Variants in EML6 observed in about 807,000 individuals in gnomAD.
The protein encoded by EML6 is echinoderm microtubule-associated protein-like 6.
Under a neutral mutation model 240.1 loss-of-function variants are expected in EML6, and 154 were observed. The observed-to-expected ratio is 0.64, with a 90% confidence interval of 0.56 to 0.73. The LOEUF is 0.73. Ranked by LOEUF, EML6 falls within the 30% of genes least tolerant of loss-of-function variation. EML6 has a pLI of 0.00. For missense variants in EML6, 2,964 were observed against 2,474.6 expected, an observed-to-expected ratio of 1.20 and a Z score of -4.20; for synonymous variants, 1,148 against 899.0, an observed-to-expected ratio of 1.28 and a Z score of -4.95.
rs1470275828 is a variant in EML6, at chr2:54,844,176, G to T, written c.977G>T (p.Gly326Val). Residue 326 changes from glycine (G) to valine (V), a missense_variant, in exon 8 of 42, where the codon GGT becomes GTT. By Grantham distance (109) the Gly-to-Val change is moderately radical. Coordinates refer to ENST00000356458, the MANE Select transcript of EML6 (RefSeq NM_001039753.4). ...TTGATCCTACAGGGCCACTGCGAGG[G>T]TGAGCTCTGGGCTCTGGCCCTGCAC... ...PMLILQGHCE[G>V]ELWALALHPK... is the part of the protein sequence containing the mutation. 7 of 1,551,722 alleles carry T rather than the reference G, an allele frequency of 4.5e-6. 1 individual carries two copies. The Admixed American group carries it at 1.2e-4, about 26-fold the overall frequency.
intron 7 of EML6, among the ~76,000 whole-genome samples, chr2:54,831,371 A>G (rs919883113): frequency 6.6e-5 from 10 of 152,234 alleles, no homozygotes; most frequent in African/African-American, 1.7e-4. Flanking sequence ...TTTTCTGCCC[A>G]ATACTGAGTC....
intron 2 of EML6, among the ~76,000 whole-genome samples, chr2:54,807,805 C>T (rs1670577253): frequency 1.3e-5 from 2 of 152,156 alleles, no homozygotes; most frequent in African/African-American, 4.8e-5. Context: ...AACTGGTTTA[C>T]AAAGTTGCTA....
At chr2:54,744,107 G>A (rs1683787590) in intron 2 of EML6, among the ~76,000 whole-genome samples, 1 of 150,794 alleles carries the variant, frequency 6.6e-6, no homozygotes, top group Admixed American at 6.6e-5. Flanking sequence ...TTGAACAATG[G>A]TAGTTGGGCC....
At chr2:54,946,955 G>GTA (rs961144088) in intron 28 of EML6, among the ~76,000 whole-genome samples, 34 of 151,104 alleles carry the variant, frequency 2.3e-4, no homozygotes, top group African/African-American at 7.0e-4. Context: ...TTGCGTCTGT[G>GTA]TATATATATA....
chr2:54,817,808 A>C (rs1263128759), intron 4 of EML6, among the ~76,000 whole-genome samples: 1 of 151,974 alleles, frequency 6.6e-6, no homozygotes, highest in Non-Finnish European at 1.5e-5. Context: ...GAACTCTTAA[A>C]AAAAAAAAAG....
Position 54,853,650 on chromosome 2 carries a change from G to A in EML6, c.1452G>A (p.Lys484=), listed in dbSNP as rs1454561680. 3 of 1,536,366 alleles carry A rather than the reference G, an allele frequency of 2.0e-6. No homozygotes were observed. Among genetic ancestry groups the A allele is most frequent in the Non-Finnish European group, 2.6e-6 (3 of 1,137,180 alleles). Residue 484 remains lysine (K), a synonymous_variant, in exon 11 of 42, where the codon AAG becomes AAA. Coordinates refer to ENST00000356458, the MANE Select transcript of EML6 (RefSeq NM_001039753.4). The stretch of plus-strand genomic sequence containing the variant: ...AATATTGATTATTTTCAGCTGGGAA[G>A]CCTTTAACAAGTAAAGAAGAAATTA... The part of the protein sequence containing the change: ...ERLFYRMPSG[K]PLTSKEEIKG...
In EML6 at chr2:54,850,188, G is replaced by A. The variant is rs1669997884; in HGVS notation, c.1414G>A (p.Ala472Thr). ...TAAATACTTACAAACTAATGACGGT[G>A]CAGGAGAACGATTGTTCTACAGAAT... is the stretch of plus-strand genomic sequence containing the variant. ...DSKYLQTNDG[A>T]GERLFYRMPS... is the part of the protein sequence containing the mutation. The change falls in exon 10 of 42, where the codon GCA (alanine) becomes ACA (threonine). Residue 472 changes from alanine to threonine, a missense_variant. Coordinates refer to ENST00000356458, the MANE Select transcript of EML6 (RefSeq NM_001039753.4). 2 of 1,551,706 alleles carry A rather than the reference G, an allele frequency of 1.3e-6. No homozygotes were observed. Among genetic ancestry groups the A allele is most frequent in the Non-Finnish European group, 1.7e-6 (2 of 1,146,956 alleles).
chr2:54,762,064 A>G (rs1263886402), intron 2 of EML6, among the ~76,000 whole-genome samples: 2 of 151,880 alleles, frequency 1.3e-5, no homozygotes, highest in Non-Finnish European at 2.9e-5. Flanking sequence ...CTTTAGGGCA[A>G]TTTTTTTCTG....
intron 7 of EML6, among the ~76,000 whole-genome samples, chr2:54,833,672 C>T (rs1001756356): frequency 1.3e-5 from 2 of 152,180 alleles, no homozygotes; most frequent in African/African-American, 2.4e-5. Flanking sequence ...AGGGCCATCC[C>T]TCAGTGAAAG....
At chr2:54,858,098 C>CT (rs1670483196) in intron 11 of EML6, among the ~76,000 whole-genome samples, 1 of 152,170 alleles carries the variant, frequency 6.6e-6, no homozygotes, top group South Asian at 2.1e-4. Context: ...CATGAGGTTG[C>CT]AGTCATGTGA....
At position 54,829,474 on chromosome 2, in the gene EML6, A is replaced by G; in HGVS notation, c.844A>G (p.Lys282Glu). Reference sequence around the variant, plus strand: ...TCTCAGGGAGACAGAACAAGGATACAAAGGTAATATATGTGTTAAGCTTAC... The same window carrying G: ...TCTCAGGGAGACAGAACAAGGATACGAAGGTAATATATGTGTTAAGCTTAC... ...IDLRETEQGY[K>E]GLSIRSVCWK... is the part of the protein sequence containing the mutation. The change falls in exon 7 of 42, where the codon AAA becomes GAA. Residue 282 changes from lysine to glutamate, a missense_variant. Coordinates refer to ENST00000356458, the MANE Select transcript of EML6 (RefSeq NM_001039753.4). 4.5e-6 allele frequency: 7 copies of G among 1,550,880 alleles called. No individual in the cohort carries two copies. Among genetic ancestry groups the G allele is most frequent in the Non-Finnish European group, 5.2e-6 (6 of 1,145,988 alleles).
At position 54,803,476 on chromosome 2, in the gene EML6, G is replaced by C. The variant is rs114170427; in HGVS notation, c.198-9756G>C. 4.7e-3 allele frequency among the ~76,000 whole-genome samples: 717 copies of C among 152,242 alleles called. 6 individuals carry two copies. The highest frequency in any genetic ancestry group is 0.017 in the African/African-American group (687 of 41,532). ...TCAAGCCACCCTAGACCCTCCTCTA[G>C]CAGCTCCAAGCCCCTTTTGTTTGTT... On this transcript the variant is annotated intron_variant, in intron 2 of 41. Transcript: ENST00000356458.
rs1015980744 is a variant in EML6 at position 54,853,695 on chromosome 2, C to T, written c.1497C>T (p.Ser499=). Residue 499 remains serine (S), a synonymous_variant, in exon 11 of 42, where the codon TCC becomes TCT. Transcript: ENST00000356458. ...AAATTAAAGGGATTCCTTGGGCCTC[C>T]TGGACATGCGTGAAAGGCCCTGAAG... ...KEEIKGIPWA[S]WTCVKGPEVS... The T allele has an allele frequency of 1.3e-6, 2 of 1,550,684 alleles. No individual in the cohort carries two copies. The highest frequency in any genetic ancestry group is 2.4e-5 in the South Asian group (2 of 83,886).
At chr2:54,969,390 T>C (rs1558737483) in intron 41 of EML6, among the ~76,000 whole-genome samples, 1 of 152,178 alleles carries the variant, frequency 6.6e-6, no homozygotes, top group Non-Finnish European at 1.5e-5. Flanking sequence ...AAGGCACCTA[T>C]AAAGAATCTC....
intron 5 of EML6, among the ~76,000 whole-genome samples, chr2:54,825,954 C>A (rs1003677076): frequency 1.3e-5 from 2 of 152,204 alleles, no homozygotes; most frequent in Non-Finnish European, 2.9e-5. Context: ...GATGCAGTTT[C>A]TTCCTCACTG....
chr2:54,892,215 C>T (rs889597330), intron 18 of EML6, among the ~76,000 whole-genome samples: 2 of 152,164 alleles, frequency 1.3e-5, no homozygotes, highest in African/African-American at 4.8e-5. Context: ...TTTTCATCTT[C>T]ATATCCCAAC....
At chr2:54,838,533 A>C (rs148570413) in intron 7 of EML6, among the ~76,000 whole-genome samples, 1 of 152,310 alleles carries the variant, frequency 6.6e-6, no homozygotes, top group East Asian at 1.9e-4. Context: ...AAAATAAGCA[A>C]TGTCCCTTAG....
At chr2:54,760,800 AT>A (rs1667949517) in intron 2 of EML6, among the ~76,000 whole-genome samples, 1 of 143,236 alleles carries the variant, frequency 7.0e-6, no homozygotes, top group Non-Finnish European at 1.5e-5. Flanking sequence ...CTCTCTCCCC[AT>A]TGCTTTGAAG....
At chr2:54,957,539 C>T (rs1676287532) in intron 32 of EML6, among the ~76,000 whole-genome samples, 1 of 152,256 alleles carries the variant, frequency 6.6e-6, no homozygotes, top group South Asian at 2.1e-4. Context: ...TCTCACAGGC[C>T]ATCCTTTCTT....
Sources: allele counts gnomAD v4.1 joint callset (sites outside exome capture counted in the v4.1 genomes callset), GRCh38; gene constraint gnomAD v4.1.1; transcripts MANE v1.5; gene names NCBI Gene and HGNC (gene_info 2026-07-23, HGNC 2026-07-21).